Variants in GABRG3 observed in about 807,000 individuals in gnomAD.
GABRG3 encodes gamma-aminobutyric acid type A receptor subunit gamma3.
GABRG3 carries 25 observed loss-of-function variants against 48.8 expected under a neutral mutation model. The ratio of observed to expected loss-of-function variants is 0.51; its 90% CI spans 0.37 to 0.72. GABRG3 has a LOEUF of 0.72. Ranked by LOEUF, GABRG3 falls within the 30% of genes least tolerant of loss-of-function variation. The pLI, the probability that GABRG3 is intolerant of heterozygous loss-of-function variation, is 0.00. For missense variants in GABRG3, 394 were observed against 577.9 expected (o/e 0.68, Z 3.26); for synonymous variants, 227 against 217.6 (o/e 1.04, Z -0.38).
In GABRG3 at chr15:27,536,538, C is replaced by T. The variant is rs185440837; in HGVS notation, c.*3657C>T. ...GTCTTACCCTTAATTTTACATCAAACCAATTAAGTACAAAGATTTTGCAGG... is the reference window on the plus strand; with the variant it reads ...GTCTTACCCTTAATTTTACATCAAATCAATTAAGTACAAAGATTTTGCAGG... On this transcript the variant is annotated 3_prime_UTR_variant, in exon 10 of 10. Coordinates refer to ENST00000615808, the MANE Select transcript of GABRG3 (RefSeq NM_033223.5). The T allele has an allele frequency of 6.6e-6, 1 of 152,152 alleles. No individual in the cohort carries two copies. The highest frequency in any genetic ancestry group is 1.5e-5 in the Non-Finnish European group (1 of 68,036). 9.4% of individuals were successfully genotyped at this position (152,152 alleles called of 1,614,324 possible). A position where few individuals can be genotyped will look rare whatever the true frequency, so the allele number is the denominator to read the frequency against.
At chr15:27,284,870 TG>T (rs1273403904) in intron 3 of GABRG3, among the ~76,000 whole-genome samples, 1 of 152,186 alleles carries the variant, frequency 6.6e-6, no homozygotes, top group African/African-American at 2.4e-5. Context: ...AATCAACCTA[TG>T]GAAATTATAT....
chr15:27,339,089 T>C (rs1257684215), intron 5 of GABRG3, among the ~76,000 whole-genome samples: 2 of 152,112 alleles, frequency 1.3e-5, no homozygotes, highest in African/African-American at 4.8e-5. Flanking sequence ...TTTAGGAGAC[T>C]CCAACTAGGA....
rs1031328701 is a variant in GABRG3, at chr15:27,322,303, G to A, written c.271-4506G>A. 3.9e-5 allele frequency among the ~76,000 whole-genome samples: 6 copies of A among 152,140 alleles called. No individual in the cohort carries two copies. In the South Asian group the frequency reaches 1.0e-3, roughly 26 times the overall value. ...TCAGAACGAAGAAGAGCTTGCACCC[G>A]GAACACTGTAGGACGCTCCCCTCTG... On this transcript the variant is annotated intron_variant, in intron 3 of 9. Transcript: ENST00000615808.
At chr15:27,036,840 A>G (rs1896187287) in intron 3 of GABRG3, among the ~76,000 whole-genome samples, 1 of 152,202 alleles carries the variant, frequency 6.6e-6, no homozygotes, top group Admixed American at 6.5e-5. Flanking sequence ...TGTCCCCCAC[A>G]AAAGGTATAC....
rs189683180 is a variant in GABRG3, at chr15:27,300,536, A to T, written c.271-26273A>T. Among the ~76,000 whole-genome samples the T allele has an allele frequency of 2.0e-5, 3 of 152,158 alleles. No homozygotes were observed. The East Asian group carries it at 5.8e-4, about 29-fold the overall frequency. On this transcript the variant is annotated intron_variant, in intron 3 of 9. Coordinates refer to ENST00000615808, the MANE Select transcript of GABRG3 (RefSeq NM_033223.5). ...AAAATTAGTGCTGATGCATGCCTGT[A>T]ATCCCAGCTACTTGAGAGGCTGAGG...
chr15:27,293,628 G>A (rs1438313324), intron 3 of GABRG3, among the ~76,000 whole-genome samples: 2 of 151,886 alleles, frequency 1.3e-5, no homozygotes, highest in Non-Finnish European at 2.9e-5. Flanking sequence ...CAGTGAGCCA[G>A]GATCATGCCA....
In GABRG3 at chr15:27,273,290, A is replaced by G. The variant is rs547887543; in HGVS notation, c.271-53519A>G. On this transcript the variant is annotated intron_variant, in intron 3 of 9. Transcript: ENST00000615808. Reference sequence around the variant, plus strand: ...ATTATAAATTTTGTCAATAAGGTTCAGGCTACAGCAAAGAAACTGAACAGT... The same window carrying G: ...ATTATAAATTTTGTCAATAAGGTTCGGGCTACAGCAAAGAAACTGAACAGT... 2.6e-4 allele frequency among the ~76,000 whole-genome samples: 39 copies of G among 152,364 alleles called. 1 individual carries two copies. Among genetic ancestry groups the G allele is most frequent in the African/African-American group, 9.1e-4 (38 of 41,594 alleles).
chr15:27,157,574 C>G (rs1898465378), intron 3 of GABRG3: 1 of 152,210 alleles, frequency 6.6e-6, no homozygotes, highest in African/African-American at 2.4e-5. Context: ...CAATCCTGAG[C>G]TTGGAGAGTA....
chr15:27,400,060 C>G (rs1277028362), intron 5 of GABRG3, among the ~76,000 whole-genome samples: 1 of 152,124 alleles, frequency 6.6e-6, no homozygotes, highest in African/African-American at 2.4e-5. Context: ...AATTTTAAAT[C>G]TTTTATCACT....
intron 3 of GABRG3, among the ~76,000 whole-genome samples, chr15:27,047,496 C>T (rs949666861): frequency 6.6e-6 from 1 of 152,204 alleles, no homozygotes; most frequent in African/African-American, 2.4e-5. Flanking sequence ...TCTTGGTTCT[C>T]ATAAATCTGT....
intron 3 of GABRG3, among the ~76,000 whole-genome samples, chr15:27,057,887 A>G (rs1388993135): frequency 1.3e-5 from 2 of 152,218 alleles, no homozygotes; most frequent in Non-Finnish European, 2.9e-5. Context: ...AAGGAAAGTC[A>G]TGACAGTCCG....
chr15:27,317,603 A>T (rs1893274898), intron 3 of GABRG3, among the ~76,000 whole-genome samples: 1 of 151,998 alleles, frequency 6.6e-6, no homozygotes. Context: ...CAGTCTAAAT[A>T]TTTTTTTTAA....
intron 9 of GABRG3, chr15:27,531,047 G>T (rs950385027): frequency 4.2e-6 from 1 of 239,124 alleles, no homozygotes; most frequent in African/African-American, 2.3e-5. Context: ...ACCTAGAAGA[G>T]ATGTGTCCAC....
chr15:27,487,941 CA>C (rs985714342), intron 6 of GABRG3, among the ~76,000 whole-genome samples: 57 of 152,270 alleles, frequency 3.7e-4, no homozygotes, highest in African/African-American at 1.3e-3. Flanking sequence ...ACGCAAATGA[CA>C]AACTGAATCT....
At chr15:26,977,319 C>A (rs1894970169) in intron 2 of GABRG3, among the ~76,000 whole-genome samples, 169 bp downstream of exon 2, 1 of 152,146 alleles carries the variant, frequency 6.6e-6, no homozygotes. Context: ...AGGAGACTGA[C>A]ACTGGTGCCA....
At chr15:27,106,279 C>T (rs1010598950) in intron 3 of GABRG3, among the ~76,000 whole-genome samples, 1 of 151,890 alleles carries the variant, frequency 6.6e-6, no homozygotes, top group African/African-American at 2.4e-5. Flanking sequence ...GCTGCTCTTG[C>T]TACAAAAAAC....
intron 3 of GABRG3, among the ~76,000 whole-genome samples, chr15:27,232,784 G>A (rs1432525340): frequency 6.6e-6 from 1 of 152,214 alleles, no homozygotes; most frequent in East Asian, 1.9e-4. Flanking sequence ...AACATTTTTA[G>A]TGAAAAATGT....
intron 3 of GABRG3, among the ~76,000 whole-genome samples, chr15:27,160,120 G>C (rs1346538874): frequency 1.3e-5 from 2 of 152,186 alleles, no homozygotes; most frequent in Non-Finnish European, 2.9e-5. Flanking sequence ...CCCAGTCTTG[G>C]TCATTCTGCT....
chr15:27,003,159 TTTTTTTA>T (rs1476322698), intron 2 of GABRG3, among the ~76,000 whole-genome samples: 17 of 150,448 alleles, frequency 1.1e-4, no homozygotes, highest in African/African-American at 3.9e-4. Flanking sequence ...ATAGTTTTTA[TTTTTTTA>T]TTTTTTATTT....
Sources: allele counts gnomAD v4.1 joint callset (sites outside exome capture counted in the v4.1 genomes callset), GRCh38; gene constraint gnomAD v4.1.1; transcripts MANE v1.5; gene names NCBI Gene and HGNC (gene_info 2026-07-23, HGNC 2026-07-21).